Variants in HMGN3 observed in about 807,000 individuals in gnomAD.
The protein encoded by HMGN3 is high mobility group nucleosome-binding domain-containing protein 3.
HMGN3 carries 6 observed loss-of-function variants against 18.8 expected under a neutral mutation model. The observed-to-expected ratio is 0.32, with a 90% confidence interval of 0.18 to 0.63. HMGN3 has a LOEUF of 0.63. Ranked by LOEUF, HMGN3 falls within the 30% of genes least tolerant of loss-of-function variation. The probability of loss-of-function intolerance (pLI) is 0.79; values close to 1 mark genes in which losing one functional copy is unlikely to be tolerated. For synonymous variants in HMGN3, 40 were observed against 36.5 expected (o/e 1.10, Z -0.35); for missense variants, 107 against 114.2 (o/e 0.94, Z 0.29).
At chr6:79,225,021 T>C (rs909344875) in intron 1 of HMGN3, among the ~76,000 whole-genome samples, 6 of 152,218 alleles carry the variant, frequency 3.9e-5, no homozygotes, top group Non-Finnish European at 7.3e-5. Flanking sequence ...AGTCAGAATA[T>C]AGTTTGTTAA....
intron 1 of HMGN3, among the ~76,000 whole-genome samples, chr6:79,220,622 T>G (rs1233427301): frequency 1.3e-5 from 2 of 152,130 alleles, no homozygotes; most frequent in Non-Finnish European, 2.9e-5. Flanking sequence ...AATTTTTGTA[T>G]TTTTAGTAGA....
intron 3 of HMGN3, among the ~76,000 whole-genome samples, chr6:79,203,884 T>C (rs1582397769): frequency 1.3e-5 from 2 of 152,340 alleles, no homozygotes; most frequent in South Asian, 2.1e-4. Context: ...TGGTCCAGAA[T>C]AGCTCTCCGG....
At chr6:79,211,776 T>C (rs1431791711) in intron 2 of HMGN3, among the ~76,000 whole-genome samples, 1 of 152,080 alleles carries the variant, frequency 6.6e-6, no homozygotes, top group Non-Finnish European at 1.5e-5. Context: ...TGGAGAAAAT[T>C]CTGGTGAAGC....
At chr6:79,207,122 G>A (rs183565281) in intron 3 of HMGN3, among the ~76,000 whole-genome samples, 89 of 152,290 alleles carry the variant, frequency 5.8e-4, no homozygotes, top group Non-Finnish European at 7.2e-4. Flanking sequence ...TATCTCAGAT[G>A]AGACTTTGGA....
rs376878138 is a variant in HMGN3 at position 79,215,919 on chromosome 6, G to T, written c.16-897C>A. ...ATACTCAGTCTCTATGGCACAAATA[G>T]GCTGCTGATCTGAATAGAGCTCCTG... On this transcript the variant is annotated intron_variant, in intron 1 of 5. Coordinates refer to ENST00000344726, the Ensembl canonical transcript of HMGN3. Among the ~76,000 whole-genome samples, 64 of 152,214 alleles carry T rather than the reference G, an allele frequency of 4.2e-4. 1 individual carries two copies. In the South Asian group the frequency reaches 0.012, roughly 29 times the overall value.
At chr6:79,208,012 C>T (rs1279435809) in intron 3 of HMGN3, among the ~76,000 whole-genome samples, 1 of 152,112 alleles carries the variant, frequency 6.6e-6, no homozygotes, top group Non-Finnish European at 1.5e-5. Context: ...AGAGGCTCAG[C>T]CACATCTGCC....
chr6:79,218,669 G>A (rs1307087346), intron 1 of HMGN3, among the ~76,000 whole-genome samples: 1 of 152,154 alleles, frequency 6.6e-6, no homozygotes, highest in Non-Finnish European at 1.5e-5. Flanking sequence ...CTTTTGCTGA[G>A]GAAAGGGAGG....
At chr6:79,233,970 T>A (rs1248206936) in intron 1 of HMGN3, 1 of 152,480 alleles carries the variant, frequency 6.6e-6, no homozygotes, top group East Asian at 1.9e-4. Context: ...GCCCCAGCCC[T>A]GATTGACACT....
chr6:79,223,275 G>A (rs1777394842), intron 1 of HMGN3, among the ~76,000 whole-genome samples: 1 of 152,162 alleles, frequency 6.6e-6, no homozygotes, highest in Admixed American at 6.5e-5. Context: ...ACTTTGGGAG[G>A]TCGAGGCAGG....
chr6:79,201,752 CAT>C lies in HMGN3; in HGVS notation c.262-28_262-27del, dbSNP rs533445936. 1.6e-4 allele frequency: 255 copies of C among 1,596,954 alleles called. 1 individual carries two copies. In the African/African-American group the frequency reaches 3.2e-3, roughly 20 times the overall value. On this transcript the variant is annotated intron_variant, in intron 5 of 5. Transcript: ENST00000344726. ...CTGTGAAAAAGAAAGGAAAAAAAAA[CAT>C]ATAGTTACTACTGAAACTACTATAA... is the stretch of plus-strand genomic sequence containing the variant.
chr6:79,221,254 C>T (rs559839782), intron 1 of HMGN3, among the ~76,000 whole-genome samples: 1 of 152,282 alleles, frequency 6.6e-6, no homozygotes, highest in East Asian at 1.9e-4. Flanking sequence ...AATATAACTG[C>T]TTCATTTGTA....
At chr6:79,201,829 C>G in intron 5 of HMGN3, 103 bp from the exon 7 acceptor site, 1 of 1,349,356 alleles carries the variant, frequency 7.4e-7, no homozygotes, top group Non-Finnish European at 9.8e-7. Context: ...CATTTGTTTT[C>G]TTTTTTTTTT....
At chr6:79,224,698 T>C (rs1179802786) in intron 1 of HMGN3, among the ~76,000 whole-genome samples, 2 of 152,184 alleles carry the variant, frequency 1.3e-5, no homozygotes, top group Admixed American at 6.5e-5. Flanking sequence ...ATTTCCATTG[T>C]ACAGATGAAG....
intron 3 of HMGN3, among the ~76,000 whole-genome samples, chr6:79,204,280 T>C (rs999836111): frequency 6.6e-5 from 10 of 152,228 alleles, no homozygotes; most frequent in African/African-American, 2.4e-4. Flanking sequence ...TGTCTACTGT[T>C]AGCTCCCAAA....
intron 1 of HMGN3, among the ~76,000 whole-genome samples, chr6:79,229,734 C>T (rs1389645426): frequency 6.6e-6 from 1 of 152,050 alleles, no homozygotes; most frequent in African/African-American, 2.4e-5. Context: ...AAAAATTAGC[C>T]GGGCGTAGTG....
intron 1 of HMGN3, among the ~76,000 whole-genome samples, chr6:79,225,265 A>G (rs1206886781): frequency 6.6e-6 from 1 of 152,228 alleles, no homozygotes; most frequent in Admixed American, 6.5e-5. Context: ...TAAGAAAACC[A>G]ATACCTCTCA....
intron 5 of HMGN3, 45 bp from the exon 6 acceptor site, chr6:79,202,200 C>T (rs769233706): frequency 1.2e-6 from 2 of 1,610,444 alleles, no homozygotes; most frequent in Non-Finnish European, 1.7e-6. Context: ...TAAGAACGTG[C>T]TATCACCGGC....
chr6:79,204,296 A>T (rs1776294761), intron 3 of HMGN3, among the ~76,000 whole-genome samples: 1 of 152,118 alleles, frequency 6.6e-6, no homozygotes, highest in South Asian at 2.1e-4. Flanking sequence ...CCAAAGTTTA[A>T]ATTTTTCACA....
intron 1 of HMGN3, among the ~76,000 whole-genome samples, chr6:79,219,133 G>GAAAAC (rs1460359301): frequency 3.3e-5 from 5 of 151,932 alleles, no homozygotes; most frequent in African/African-American, 9.7e-5. Flanking sequence ...GGAACAAACT[G>GAAAAC]AAAACAAAAC....
Sources: gnomAD v4.1 joint callset for allele counts (sites outside exome capture counted in the v4.1 genomes callset) on GRCh38, gnomAD v4.1.1 for gene constraint, MANE v1.5 for transcripts, NCBI Gene and HGNC (gene_info 2026-07-23, HGNC 2026-07-21) for gene names.